CEP170: variants seen among roughly 807,000 people sequenced by gnomAD.
CEP170 encodes the protein centrosomal protein 170, also known as centrosomal protein of 170 kDa.
Under a neutral mutation model 151.9 loss-of-function variants are expected in CEP170, and 21 were observed. That is an observed-to-expected ratio of 0.14 (90% CI 0.10 to 0.20). The LOEUF is 0.20. CEP170 is among the 10% of genes least tolerant of loss of function. The probability of loss-of-function intolerance (pLI) is 1.00; values close to 1 mark genes in which losing one functional copy is unlikely to be tolerated. For missense variants in CEP170, 964 were observed against 1,892.9 expected (o/e 0.51, Z 9.11); for synonymous variants, 356 against 648.8 (o/e 0.55, Z 6.86).
chr1:243,195,999 C>A (rs1342732480), intron 7 of CEP170, among the ~76,000 whole-genome samples: 1 of 152,028 alleles, frequency 6.6e-6, no homozygotes, highest in Admixed American at 6.6e-5. Flanking sequence ...ACCCCAAGAT[C>A]ATGAGACGGC....
intron 1 of CEP170, among the ~76,000 whole-genome samples, chr1:243,249,045 C>T (rs1490717284): frequency 1.3e-5 from 2 of 152,118 alleles, no homozygotes; most frequent in Non-Finnish European, 2.9e-5. Context: ...TAAGATAGTT[C>T]TCAAGGTGTA....
chr1:243,238,558 T>C lies in CEP170; in HGVS notation c.-41-13237A>G, dbSNP rs575365475. Among the ~76,000 whole-genome samples the C allele has an allele frequency of 1.2e-4, 19 of 152,298 alleles. No homozygotes were observed. The East Asian group carries it at 2.3e-3, about 19-fold the overall frequency. On this transcript the variant is annotated intron_variant, in intron 1 of 19. Coordinates refer to ENST00000366542, the MANE Select transcript of CEP170 (RefSeq NM_014812.3). ...ACAGATAAAAGATTATTGGTATTAA[T>C]AGCCAACAAGTGGAAGTAACCCAAA...
In CEP170 at chr1:243,198,747, T is replaced by C. The variant is rs2148820871; in HGVS notation, c.631+313A>G. ...GGTCTAATTGATATATTTTAATAATTATTTTTATAAACTTAAAATGCCTAG... is the reference window on the plus strand; with the variant it reads ...GGTCTAATTGATATATTTTAATAATCATTTTTATAAACTTAAAATGCCTAG... On this transcript the variant is annotated intron_variant, in intron 7 of 19. Coordinates refer to ENST00000366542, the MANE Select transcript of CEP170 (RefSeq NM_014812.3). Among the ~76,000 whole-genome samples the C allele has an allele frequency of 1.3e-5, 2 of 152,210 alleles. 1 individual carries two copies.
At chr1:243,232,060 C>A (rs1164392128) in intron 1 of CEP170, among the ~76,000 whole-genome samples, 1 of 152,058 alleles carries the variant, frequency 6.6e-6, no homozygotes, top group African/African-American at 2.4e-5. Context: ...ACCTCCCAAG[C>A]TCAAGCTCCA....
chr1:243,165,514 G>C lies in CEP170; in HGVS notation c.2446C>G (p.Leu816Val), dbSNP rs1274006500. 6.8e-6 allele frequency: 11 copies of C among 1,608,418 alleles called. No individual in the cohort carries two copies. The highest frequency in any genetic ancestry group is 2.2e-5 in the East Asian group (1 of 44,822). ...ESKRRKAEEILKSQTPKGGDK... is the reference protein window; with the variant it reads ...ESKRRKAEEIVKSQTPKGGDK... ...CCTCCCTTTGGAGTCTGACTTTTCA[G>C]AATTTCCTCAGCTTTTCTTCTCTTG... Residue 816 changes from leucine (L) to valine (V), a missense_variant, in exon 13 of 20, where the codon CTG becomes GTG. Transcript: ENST00000366542.
In CEP170 at chr1:243,164,586, G is replaced by A; in HGVS notation, c.3374C>T (p.Ala1125Val). Residue 1125 changes from alanine to valine, a missense_variant, in exon 13 of 20, where the codon GCT (alanine) becomes GTT (valine). Physicochemically the swap from Ala to Val is moderately conservative, Grantham distance 64. Coordinates refer to ENST00000366542, the MANE Select transcript of CEP170 (RefSeq NM_014812.3). ...ELADADKASV[A>V]SEVSTTSSTS... ...AGAACTTGTTGTGGATACTTCAGAA[G>A]CAACAGATGCTTTGTCAGCATCAGC... 2 of 1,613,678 alleles carry A rather than the reference G, an allele frequency of 1.2e-6. No individual in the cohort carries two copies. The highest frequency in any genetic ancestry group is 1.7e-6 in the Non-Finnish European group (2 of 1,179,706).
intron 7 of CEP170, among the ~76,000 whole-genome samples, chr1:243,198,139 C>T (rs1329898184): frequency 1.3e-5 from 2 of 152,018 alleles, no homozygotes; most frequent in African/African-American, 4.8e-5. Context: ...CCATACTGAG[C>T]CCAGGTGCCT....
intron 7 of CEP170, among the ~76,000 whole-genome samples, 199 bp downstream of exon 7, chr1:243,198,855 TATTAAA>T (rs1423319395): frequency 2.0e-5 from 3 of 151,476 alleles, no homozygotes; most frequent in Non-Finnish European, 2.9e-5. Context: ...TTTATAAAGA[TATTAAA>T]ATTAATACTT....
At chr1:243,187,692 G>C (rs1303625320) in intron 8 of CEP170, among the ~76,000 whole-genome samples, 1 of 152,178 alleles carries the variant, frequency 6.6e-6, no homozygotes, top group Non-Finnish European at 1.5e-5. Context: ...GAAGTTGAGT[G>C]TTAATGTTTA....
chr1:243,153,239 G>A (rs2057272200), intron 14 of CEP170, among the ~76,000 whole-genome samples: 1 of 152,222 alleles, frequency 6.6e-6, no homozygotes, highest in African/African-American at 2.4e-5. Flanking sequence ...GGAAAAGAAA[G>A]TGGTATCTTG....
intron 1 of CEP170, among the ~76,000 whole-genome samples, chr1:243,249,526 G>A (rs1407220989): frequency 6.6e-6 from 1 of 152,090 alleles, no homozygotes; most frequent in African/African-American, 2.4e-5. Context: ...TGGTAACTCA[G>A]CAGATAAGAT....
intron 1 of CEP170, among the ~76,000 whole-genome samples, chr1:243,231,245 A>G (rs927176672): frequency 2.6e-5 from 4 of 151,670 alleles, no homozygotes; most frequent in African/African-American, 4.8e-5. Flanking sequence ...AGAAATTAAG[A>G]TATTTCTAGT....
intron 19 of CEP170, among the ~76,000 whole-genome samples, chr1:243,127,831 CA>C (rs1482258764): frequency 6.6e-6 from 1 of 152,134 alleles, no homozygotes; most frequent in East Asian, 1.9e-4. Context: ...CATTTCTTGT[CA>C]ACCAAACAAC....
At chr1:243,244,672 C>T (rs553115826) in intron 1 of CEP170, among the ~76,000 whole-genome samples, 14 of 151,988 alleles carry the variant, frequency 9.2e-5, no homozygotes, top group African/African-American at 2.7e-4. Flanking sequence ...CTTGAGCCCA[C>T]GAGATCGAGG....
chr1:243,157,793 CAG>C (rs1333778186), intron 13 of CEP170, among the ~76,000 whole-genome samples: 1 of 152,136 alleles, frequency 6.6e-6, no homozygotes, highest in Non-Finnish European at 1.5e-5. Context: ...GCTTAAGAAA[CAG>C]AGAACTCTAC....
At chr1:243,142,144 C>T (rs1294690173) in intron 15 of CEP170, 172 bp downstream of exon 15, 2 of 1,316,354 alleles carry the variant, frequency 1.5e-6, no homozygotes, top group Non-Finnish European at 2.0e-6. Context: ...TTAGCCTTCA[C>T]TAGTTTTGTT....
At chr1:243,231,920 T>C (rs894426801) in intron 1 of CEP170, among the ~76,000 whole-genome samples, 3 of 152,150 alleles carry the variant, frequency 2.0e-5, no homozygotes, top group Admixed American at 1.3e-4. Context: ...TCTTCCATTT[T>C]TCCACATCAG....
intron 7 of CEP170, among the ~76,000 whole-genome samples, chr1:243,196,829 G>A (rs1359534470): frequency 1.3e-5 from 2 of 152,078 alleles, no homozygotes; most frequent in African/African-American, 2.4e-5. Context: ...GTAACGTACT[G>A]ACGATAAATA....
intron 3 of CEP170, among the ~76,000 whole-genome samples, chr1:243,219,300 C>A (rs2062585745): frequency 6.6e-6 from 1 of 152,190 alleles, no homozygotes; most frequent in Non-Finnish European, 1.5e-5. Context: ...AACTTCAACT[C>A]ATTACATGTT....
Sources: allele counts gnomAD v4.1 joint callset (sites outside exome capture counted in the v4.1 genomes callset), GRCh38; gene constraint gnomAD v4.1.1; transcripts MANE v1.5; gene names NCBI Gene and HGNC (gene_info 2026-07-23, HGNC 2026-07-21).